Variants in KAT2B observed in about 807,000 individuals in gnomAD.
KAT2B encodes lysine acetyltransferase 2B.
In KAT2B, 36 loss-of-function variants were observed where a neutral mutation model predicts 105.9. That is an observed-to-expected ratio of 0.34 (90% CI 0.26 to 0.45). The LOEUF (loss-of-function observed/expected upper bound fraction) is 0.45. Ranked by LOEUF, KAT2B falls within the 20% of genes least tolerant of loss-of-function variation. The pLI is 1.00. For missense variants in KAT2B, 820 were observed against 1,021.6 expected (o/e 0.80, Z 2.69); for synonymous variants, 397 against 377.9 (o/e 1.05, Z -0.59).
intron 1 of KAT2B, 92 bp downstream of exon 1, chr3:20,040,872 G>T: frequency 1.5e-6 from 2 of 1,361,418 alleles, no homozygotes; most frequent in East Asian, 3.0e-5. Flanking sequence ...TCCGCCTCCC[G>T]CCTCCTGCCT....
At chr3:20,067,814 A>G (rs950357911) in intron 1 of KAT2B, among the ~76,000 whole-genome samples, 1 of 150,182 alleles carries the variant, frequency 6.7e-6, no homozygotes, top group African/African-American at 2.5e-5. Flanking sequence ...AGCTGGGATT[A>G]CAGGTGCCCA....
chr3:20,139,247 G>A (rs1408709584), intron 12 of KAT2B, among the ~76,000 whole-genome samples: 1 of 151,842 alleles, frequency 6.6e-6, no homozygotes, highest in Non-Finnish European at 1.5e-5. Flanking sequence ...GTGTTCTTAT[G>A]TAATTAGAAA....
chr3:20,122,272 AG>A (rs1395209708), intron 8 of KAT2B, among the ~76,000 whole-genome samples: 1 of 152,216 alleles, frequency 6.6e-6, no homozygotes, highest in African/African-American at 2.4e-5. Context: ...GTCTTATTTT[AG>A]GTCATAAGGT....
At chr3:20,117,653 C>T (rs1450125908) in intron 7 of KAT2B, among the ~76,000 whole-genome samples, 1 of 152,148 alleles carries the variant, frequency 6.6e-6, no homozygotes, top group African/African-American at 2.4e-5. Context: ...TATTTTATTG[C>T]CTTCTTGGCT....
At chr3:20,110,337 G>A (rs1699097566) in intron 5 of KAT2B, among the ~76,000 whole-genome samples, 1 of 151,818 alleles carries the variant, frequency 6.6e-6, no homozygotes, top group Non-Finnish European at 1.5e-5. Flanking sequence ...ATGTTTTTGG[G>A]TCCTGGGAAA....
intron 1 of KAT2B, 45 bp from the exon 2 acceptor site, chr3:20,072,288 G>A: frequency 6.3e-7 from 1 of 1,598,456 alleles, no homozygotes; most frequent in Non-Finnish European, 8.6e-7. Context: ...TCAGTCCACG[G>A]CTGCCTGTTA....
chr3:20,045,551 A>G (rs1252310390), intron 1 of KAT2B, among the ~76,000 whole-genome samples: 1 of 152,088 alleles, frequency 6.6e-6, no homozygotes, highest in African/African-American at 2.4e-5. Flanking sequence ...AGAAACCCCA[A>G]GTGAATGTAT....
chr3:20,095,499 C>T (rs1479766017), intron 3 of KAT2B, 91 bp downstream of exon 3: 1 of 794,464 alleles, frequency 1.3e-6, no homozygotes, highest in African/African-American at 1.7e-5. Context: ...AGGCTTTCAG[C>T]TCCTGGTACA....
At chr3:20,145,321 T>C (rs1699765509) in intron 13 of KAT2B, among the ~76,000 whole-genome samples, 1 of 152,216 alleles carries the variant, frequency 6.6e-6, no homozygotes, top group African/African-American at 2.4e-5. Flanking sequence ...AGCACTGATC[T>C]AGATTTACTA....
At chr3:20,146,271 C>T (rs187728124) in intron 13 of KAT2B, 45 bp from the exon 14 acceptor site, 2 of 1,087,582 alleles carry the variant, frequency 1.8e-6, no homozygotes, top group East Asian at 2.4e-5. Context: ...GAACTGTATC[C>T]ATAGACTTCT....
intron 11 of KAT2B, among the ~76,000 whole-genome samples, chr3:20,132,634 G>C (rs574501976): frequency 2.0e-5 from 3 of 152,284 alleles, no homozygotes; most frequent in East Asian, 1.9e-4. Flanking sequence ...TACCATGACT[G>C]CTAGTCACAA....
chr3:20,106,807 C>CT (rs1227174659), intron 5 of KAT2B, among the ~76,000 whole-genome samples: 1 of 150,742 alleles, frequency 6.6e-6, no homozygotes, highest in Non-Finnish European at 1.5e-5. Flanking sequence ...TTGCAGATCT[C>CT]TCCTCAGATG....
chr3:20,119,593 G>T lies in KAT2B; in HGVS notation c.1151-5G>T, dbSNP rs1699270572. On this transcript the variant is annotated splice_region_variant and splice_polypyrimidine_tract_variant and intron_variant, in intron 7 of 17. Transcript: ENST00000263754. ...TAACACCTTCTTCTCCTTTTGCCGG[G>T]GCAGTTATCAATCCACCTCCTGTGG... is the stretch of plus-strand genomic sequence containing the variant. 1 of 1,613,870 alleles carries T rather than the reference G, an allele frequency of 6.2e-7. No homozygotes were observed. The highest frequency in any genetic ancestry group is 8.5e-7 in the Non-Finnish European group (1 of 1,179,848).
At chr3:20,068,991 C>G (rs546473643) in intron 1 of KAT2B, among the ~76,000 whole-genome samples, 1 of 152,302 alleles carries the variant, frequency 6.6e-6, no homozygotes, top group East Asian at 1.9e-4. Flanking sequence ...GTGGTTTCCT[C>G]TGACTCTACA....
In KAT2B at chr3:20,061,719, GTATATATGAAAAAATAA is replaced by G. The variant is rs1235179716; in HGVS notation, c.304-10597_304-10581del. Among the ~76,000 whole-genome samples the G allele has an allele frequency of 8.2e-3, 1,119 of 136,618 alleles. 15 individuals carry two copies. The highest frequency in any genetic ancestry group is 0.028 in the African/African-American group (1,042 of 36,904). The allele number at this position is 136,618 out of a possible 152,430, so 89.6% of individuals were successfully genotyped here. ...GTAGTTTTAATTTGTATTTTCATAC[GTATATATGAAAAAATAA>G]TATATATGAAAAAATATATTATACA... On this transcript the variant is annotated intron_variant, in intron 1 of 17. Transcript: ENST00000263754.
chr3:20,048,379 G>A (rs1466506685), intron 1 of KAT2B, among the ~76,000 whole-genome samples: 1 of 152,208 alleles, frequency 6.6e-6, no homozygotes, highest in Non-Finnish European at 1.5e-5. Context: ...GTTTTAGGAA[G>A]TGTGTGCTTG....
rs942024624 is a variant in KAT2B at position 20,045,157 on chromosome 3, G to A, written c.303+4377G>A. ...AGCCTCCTGAGTAGCTGAGACCACA[G>A]GCATGCACCACCATACTTGGCTAAT... On this transcript the variant is annotated intron_variant, in intron 1 of 17. Transcript: ENST00000263754. 3.0e-4 allele frequency among the ~76,000 whole-genome samples: 46 copies of A among 151,960 alleles called. 1 individual carries two copies. Among genetic ancestry groups the A allele is most frequent in the Admixed American group, 2.6e-3 (39 of 15,244 alleles).
At chr3:20,118,437 C>T (rs1427270123) in intron 7 of KAT2B, among the ~76,000 whole-genome samples, 1 of 148,732 alleles carries the variant, frequency 6.7e-6, no homozygotes, top group Non-Finnish European at 1.5e-5. Flanking sequence ...GCTATATAGG[C>T]CAGGCGTGGT....
chr3:20,118,328 TTGTGTG>T (rs10558647), intron 7 of KAT2B, among the ~76,000 whole-genome samples: 126 of 139,178 alleles, frequency 9.1e-4, no homozygotes, highest in East Asian at 3.3e-3. Flanking sequence ...TCTCCTAAAT[TTGTGTG>T]TGTGTGTGTG....
Sources: allele counts gnomAD v4.1 joint callset (sites outside exome capture counted in the v4.1 genomes callset), GRCh38; gene constraint gnomAD v4.1.1; transcripts MANE v1.5; gene names NCBI Gene and HGNC (gene_info 2026-07-23, HGNC 2026-07-21).